PUS7: variants seen among roughly 807,000 people sequenced by gnomAD.
The protein encoded by PUS7 is pseudouridylate synthase 7 homolog.
In PUS7, 48 loss-of-function variants were observed where a neutral mutation model predicts 79.8. The ratio of observed to expected loss-of-function variants is 0.60; its 90% CI spans 0.48 to 0.76. PUS7 has a LOEUF of 0.76. PUS7 is among the 30% of genes least tolerant of loss of function. The pLI, the probability that PUS7 is intolerant of heterozygous loss-of-function variation, is 0.00. For synonymous variants in PUS7, 286 were observed against 272.2 expected (o/e 1.05, Z -0.50); for missense variants, 729 against 797.6 (o/e 0.91, Z 1.04).
At chr7:105,519,359 G>A (rs771555001) in intron 1 of PUS7, among the ~76,000 whole-genome samples, 3 of 151,758 alleles carry the variant, frequency 2.0e-5, no homozygotes, top group Non-Finnish European at 2.9e-5. Flanking sequence ...TCAGCCTCCC[G>A]AGTAGCTGGG....
rs961882520 is a variant in PUS7 at position 105,512,599 on chromosome 7, G to A, written c.-32-4055C>T. Among the ~76,000 whole-genome samples, 3 of 152,182 alleles carry A rather than the reference G, an allele frequency of 2.0e-5. No homozygotes were observed. In the South Asian group the frequency reaches 6.2e-4, roughly 31 times the overall value. On this transcript the variant is annotated intron_variant, in intron 1 of 15. Transcript: ENST00000469408. Reference sequence around the variant, plus strand: ...GGGCGTGGGAGCTCACAGAGTGCTGGAAGAGCAAAAGAACTCATCGCCCAC... The same window carrying A: ...GGGCGTGGGAGCTCACAGAGTGCTGAAAGAGCAAAAGAACTCATCGCCCAC...
At chr7:105,464,524 C>G (rs1273879235) in intron 13 of PUS7, among the ~76,000 whole-genome samples, 1 of 152,186 alleles carries the variant, frequency 6.6e-6, no homozygotes, top group East Asian at 1.9e-4. Context: ...GCTGAATTCT[C>G]TCCCTCTCCT....
chr7:105,489,699 G>A (rs1387445680), intron 7 of PUS7, among the ~76,000 whole-genome samples: 2 of 152,078 alleles, frequency 1.3e-5, no homozygotes, highest in East Asian at 3.9e-4. Context: ...CGATACAACC[G>A]GTTCAACAAC....
chr7:105,499,118 G>C (rs1169279532), intron 5 of PUS7, among the ~76,000 whole-genome samples: 1 of 152,178 alleles, frequency 6.6e-6, no homozygotes, highest in Non-Finnish European at 1.5e-5. Flanking sequence ...CATTCCACTA[G>C]AATGCTCCGG....
chr7:105,521,390 G>A (rs1826104805), intron 1 of PUS7, among the ~76,000 whole-genome samples: 1 of 152,224 alleles, frequency 6.6e-6, no homozygotes, highest in African/African-American at 2.4e-5. Context: ...CTGACGAGGA[G>A]GACTCGAATT....
In PUS7 at chr7:105,481,098, T is replaced by A. The variant is rs1275709211; in HGVS notation, c.1129A>T (p.Met377Leu). ...KEIGFINYYG[M>L]QRFGTTAVPT... is the part of the protein sequence containing the mutation. ...ACAGCTGTGGTTCCAAATCTTTGCATTCCATAGTAGTTAATAAATCCAATC... is the reference window on the plus strand; with the variant it reads ...ACAGCTGTGGTTCCAAATCTTTGCAATCCATAGTAGTTAATAAATCCAATC... The change falls in exon 9 of 16, where the codon ATG becomes TTG. Residue 377 changes from methionine to leucine, a missense_variant. Met to Leu is a conservative substitution (Grantham distance 15). Coordinates refer to ENST00000469408, the MANE Select transcript of PUS7 (RefSeq NM_019042.5). 3.1e-6 allele frequency: 5 copies of A among 1,612,972 alleles called. No individual in the cohort carries two copies. Among genetic ancestry groups the A allele is most frequent in the Non-Finnish European group, 4.2e-6 (5 of 1,179,316 alleles).
Position 105,495,216 on chromosome 7 carries a change from A to C in PUS7, c.768T>G (p.Ser256Arg). The change falls in exon 6 of 16, where the codon AGT (serine) becomes AGG (arginine). Residue 256 changes from serine to arginine, a missense_variant. Physicochemically the swap from Ser to Arg is moderately radical, Grantham distance 110 (BLOSUM62 -1). Coordinates refer to ENST00000469408, the MANE Select transcript of PUS7 (RefSeq NM_019042.5). The stretch of plus-strand genomic sequence containing the variant: ...CCTTATATAGTACGAAGTGGCAGTA[A>C]CTTCCCCTAGATTTTGGCCAAGAAT... Reference protein sequence around the residue: ...RKHSWPKSRGSYCHFVLYKEN... With the variant: ...RKHSWPKSRGRYCHFVLYKEN... 1 of 1,612,762 alleles carries C rather than the reference A, an allele frequency of 6.2e-7. No homozygotes were observed. Among genetic ancestry groups the C allele is most frequent in the Non-Finnish European group, 8.5e-7 (1 of 1,179,208 alleles).
chr7:105,513,412 C>T (rs141070449), intron 1 of PUS7, among the ~76,000 whole-genome samples: 2 of 152,348 alleles, frequency 1.3e-5, no homozygotes, highest in East Asian at 1.9e-4. Context: ...TTGCCATTTA[C>T]TAAGTGGGTG....
chr7:105,517,989 A>T (rs1825959258), intron 1 of PUS7, among the ~76,000 whole-genome samples: 1 of 152,128 alleles, frequency 6.6e-6, no homozygotes, highest in Non-Finnish European at 1.5e-5. Context: ...TTCTACTAAA[A>T]ATCCAAAAAT....
chr7:105,458,571 ATTTT>A (rs1184288709), intron 15 of PUS7, among the ~76,000 whole-genome samples: 1 of 124,880 alleles, frequency 8.0e-6, no homozygotes, highest in Non-Finnish European at 1.7e-5. Flanking sequence ...CCAGCCACCA[ATTTT>A]TTTTTTTTTT....
intron 8 of PUS7, 64 bp from the exon 9 acceptor site, chr7:105,481,241 A>C: frequency 2.1e-5 from 30 of 1,445,806 alleles, no homozygotes; most frequent in South Asian, 2.9e-5. Context: ...GATGCAGCTC[A>C]TAAATGACTA....
intron 1 of PUS7, among the ~76,000 whole-genome samples, chr7:105,512,096 G>T (rs1249488951): frequency 7.2e-6 from 1 of 138,222 alleles, no homozygotes; most frequent in East Asian, 2.2e-4. Flanking sequence ...AGTGAGTCGG[G>T]ACTGCACCAC....
chr7:105,478,111 C>G (rs1274988483), intron 9 of PUS7, among the ~76,000 whole-genome samples: 2 of 152,206 alleles, frequency 1.3e-5, no homozygotes, highest in African/African-American at 4.8e-5. Flanking sequence ...GCCCTGCCTA[C>G]TTAGCAATGT....
At chr7:105,463,729 C>T (rs1287610150) in intron 13 of PUS7, among the ~76,000 whole-genome samples, 1 of 151,632 alleles carries the variant, frequency 6.6e-6, no homozygotes, top group Non-Finnish European at 1.5e-5. Flanking sequence ...TCTACTCATT[C>T]AGTAACTAAT....
rs184843032 is a variant in PUS7, at chr7:105,502,937, T to A, written c.586-373A>T. Among the ~76,000 whole-genome samples the A allele has an allele frequency of 7.9e-5, 12 of 152,276 alleles. No individual in the cohort carries two copies. In the East Asian group the frequency reaches 2.1e-3, roughly 27 times the overall value. ...CTGGTCTCAAACTCCTGGCCTCAAG[T>A]GATCCATCTGCCTTGGCCTTCCAAA... On this transcript the variant is annotated intron_variant, in intron 4 of 15. Transcript: ENST00000469408.
intron 1 of PUS7, among the ~76,000 whole-genome samples, chr7:105,516,051 C>A (rs1012635816): frequency 6.6e-6 from 1 of 151,840 alleles, no homozygotes; most frequent in African/African-American, 2.4e-5. Flanking sequence ...CCTGGTGATC[C>A]GCCCACCTCA....
chr7:105,481,443 C>G (rs1713850679), intron 8 of PUS7, among the ~76,000 whole-genome samples: 1 of 152,174 alleles, frequency 6.6e-6, no homozygotes, highest in Admixed American at 6.5e-5. Context: ...TTTTTGCAAT[C>G]AGACCTTGGC....
At chr7:105,460,083 C>T (rs530969003) in intron 14 of PUS7, among the ~76,000 whole-genome samples, 1 of 152,014 alleles carries the variant, frequency 6.6e-6, no homozygotes, top group African/African-American at 2.4e-5. Flanking sequence ...GGACTACAGG[C>T]GCCCGCCACC....
chr7:105,478,560 T>C (rs1167289102), intron 9 of PUS7, among the ~76,000 whole-genome samples: 1 of 152,212 alleles, frequency 6.6e-6, no homozygotes, highest in African/African-American at 2.4e-5. Flanking sequence ...TCCTAAAGAT[T>C]AGTGATAAGC....
Sources: allele counts gnomAD v4.1 joint callset (sites outside exome capture counted in the v4.1 genomes callset), GRCh38; gene constraint gnomAD v4.1.1; transcripts MANE v1.5; gene names NCBI Gene and HGNC (gene_info 2026-07-23, HGNC 2026-07-21).